Variants in PXDNL observed in about 807,000 individuals in gnomAD.
PXDNL encodes probable oxidoreductase PXDNL.
In PXDNL, 145 loss-of-function variants were observed where a neutral mutation model predicts 150.8. The ratio of observed to expected loss-of-function variants is 0.96; its 90% CI spans 0.84 to 1.10. PXDNL has a LOEUF of 1.10. Among genes scored for constraint, PXDNL ranks in the 50% least tolerant of loss-of-function variants. PXDNL has a pLI of 0.00. For missense variants in PXDNL, 2,087 were observed against 1,873.9 expected (o/e 1.11, Z -2.10); for synonymous variants, 757 against 725.7 (o/e 1.04, Z -0.69).
At chr8:51,806,964 T>C (rs965174588) in intron 1 of PXDNL, among the ~76,000 whole-genome samples, 8 of 152,220 alleles carry the variant, frequency 5.3e-5, no homozygotes, top group Non-Finnish European at 7.3e-5. Flanking sequence ...AGGTTTGTAA[T>C]TCCTGTCCTG....
chr8:51,652,188 T>C (rs1815054238), intron 2 of PXDNL, among the ~76,000 whole-genome samples: 1 of 152,146 alleles, frequency 6.6e-6, no homozygotes, highest in African/African-American at 2.4e-5. Context: ...ATAAGAGCCA[T>C]ATGGTCAAAA....
At chr8:51,357,746 A>G (rs938920689) in intron 19 of PXDNL, among the ~76,000 whole-genome samples, 5 of 152,210 alleles carry the variant, frequency 3.3e-5, no homozygotes, top group Non-Finnish European at 5.9e-5. Flanking sequence ...GATTAACCAC[A>G]TGATTTTTAT....
intron 3 of PXDNL, among the ~76,000 whole-genome samples, chr8:51,559,180 A>G (rs546373564): frequency 1.3e-5 from 2 of 152,088 alleles, no homozygotes; most frequent in African/African-American, 4.8e-5. Context: ...TGTTATCTAC[A>G]GAGCAGTTAA....
chr8:51,652,439 TCACACACA>T (rs34305040), intron 2 of PXDNL, among the ~76,000 whole-genome samples: 1 of 146,846 alleles, frequency 6.8e-6, no homozygotes, highest in Admixed American at 6.8e-5. Flanking sequence ...TCTCTCTCTC[TCACACACA>T]CACACACACA....
rs184590175 is a variant in PXDNL at position 51,694,896 on chromosome 8, T to C, written c.165-40136A>G. Among the ~76,000 whole-genome samples the C allele has an allele frequency of 2.8e-3, 424 of 152,332 alleles. 1 individual carries two copies. The highest frequency in any genetic ancestry group is 5.2e-3 in the Non-Finnish European group (354 of 68,036). Reference sequence around the variant, plus strand: ...GTTTTATGGTACATTGCATTTAAAGTATATTGTTAATGTTTAAGCTCTGAG... The same window carrying C: ...GTTTTATGGTACATTGCATTTAAAGCATATTGTTAATGTTTAAGCTCTGAG... On this transcript the variant is annotated intron_variant, in intron 1 of 22. Coordinates refer to ENST00000356297, the MANE Select transcript of PXDNL (RefSeq NM_144651.5).
At chr8:51,731,049 C>A (rs1267706251) in intron 1 of PXDNL, among the ~76,000 whole-genome samples, 1 of 152,182 alleles carries the variant, frequency 6.6e-6, no homozygotes, top group Non-Finnish European at 1.5e-5. Flanking sequence ...CATGTTCTCA[C>A]ATTTCAAAAC....
intron 1 of PXDNL, among the ~76,000 whole-genome samples, chr8:51,789,134 G>C (rs1309143850): frequency 6.6e-6 from 1 of 151,472 alleles, no homozygotes; most frequent in African/African-American, 2.4e-5. Context: ...ACAAATTTCA[G>C]GTTCTCAGTA....
At chr8:51,700,845 TACACTC>T (rs1816244136) in intron 1 of PXDNL, among the ~76,000 whole-genome samples, 2 of 151,380 alleles carry the variant, frequency 1.3e-5, no homozygotes, top group African/African-American at 4.9e-5. Flanking sequence ...CATATACACA[TACACTC>T]ACAAATATAT....
At chr8:51,495,822 A>T (rs1400072117) in intron 5 of PXDNL, among the ~76,000 whole-genome samples, 1 of 152,150 alleles carries the variant, frequency 6.6e-6, no homozygotes, top group South Asian at 2.1e-4. Flanking sequence ...CAGGACCAGA[A>T]GGAGTCACAG....
chr8:51,653,859 T>G (rs886934797), intron 2 of PXDNL, among the ~76,000 whole-genome samples: 12 of 152,356 alleles, frequency 7.9e-5, no homozygotes, highest in Middle Eastern at 3.4e-3. Flanking sequence ...CACTGAAGAT[T>G]CTTAACTTTC....
intron 2 of PXDNL, among the ~76,000 whole-genome samples, chr8:51,633,985 C>G (rs377462533): frequency 1.3e-5 from 2 of 152,090 alleles, no homozygotes; most frequent in African/African-American, 4.8e-5. Flanking sequence ...ATAGTTTAAT[C>G]AGGTCCTGCT....
intron 1 of PXDNL, among the ~76,000 whole-genome samples, chr8:51,759,798 C>T (rs1436261264): frequency 2.0e-5 from 3 of 152,210 alleles, no homozygotes; most frequent in Non-Finnish European, 2.9e-5. Flanking sequence ...TTTAATTTAA[C>T]GTGGGTCTTC....
At chr8:51,483,833 G>A in intron 5 of PXDNL, 119 bp from the exon 6 acceptor site, 1 of 634,512 alleles carries the variant, frequency 1.6e-6, no homozygotes, top group Non-Finnish European at 2.7e-6. Context: ...AGTGAGAAAG[G>A]GCAAACAGAA....
intron 17 of PXDNL, among the ~76,000 whole-genome samples, chr8:51,385,950 T>C (rs984341186): frequency 6.6e-6 from 1 of 152,182 alleles, no homozygotes; most frequent in Non-Finnish European, 1.5e-5. Context: ...TCTTTATAAA[T>C]TACCCAATCT....
intron 4 of PXDNL, among the ~76,000 whole-genome samples, chr8:51,533,557 G>C (rs368116019): frequency 6.6e-5 from 9 of 136,802 alleles, no homozygotes; most frequent in Middle Eastern, 8.3e-3. Flanking sequence ...AAAGCTGGAC[G>C]GTACTGCTGC....
intron 3 of PXDNL, among the ~76,000 whole-genome samples, chr8:51,580,016 TTAAATAAA>T (rs139022186): frequency 0.022 from 3,385 of 150,484 alleles, 111 homozygotes; most frequent in African/African-American, 0.078. Flanking sequence ...AATAATAAAA[TTAAATAAA>T]TAAATAAATA....
chr8:51,774,282 C>T (rs1334335872), intron 1 of PXDNL, among the ~76,000 whole-genome samples: 1 of 152,106 alleles, frequency 6.6e-6, no homozygotes, highest in Non-Finnish European at 1.5e-5. Flanking sequence ...TAATGTTGCA[C>T]CTCCTAAAAT....
chr8:51,616,331 G>A (rs1249694595), intron 2 of PXDNL, among the ~76,000 whole-genome samples: 1 of 152,162 alleles, frequency 6.6e-6, no homozygotes, highest in Non-Finnish European at 1.5e-5. Flanking sequence ...AGGTTTGTCT[G>A]AGAGAGAACA....
intron 3 of PXDNL, among the ~76,000 whole-genome samples, chr8:51,578,410 A>C (rs1005074580): frequency 1.3e-5 from 2 of 151,972 alleles, no homozygotes; most frequent in Non-Finnish European, 2.9e-5. Context: ...ACCTAGGTAT[A>C]AACCTACCAA....
Sources: gnomAD v4.1 joint callset for allele counts (sites outside exome capture counted in the v4.1 genomes callset) on GRCh38, gnomAD v4.1.1 for gene constraint, MANE v1.5 for transcripts, NCBI Gene and HGNC (gene_info 2026-07-23, HGNC 2026-07-21) for gene names.